The following B4GALT1 variants were observed in gnomAD, a reference collection of about 807,000 sequenced individuals.
B4GALT1 encodes the protein beta-1,4-galactosyltransferase 1, also known as N-acetyllactosamine synthase.
In B4GALT1, 16 loss-of-function variants were observed where a neutral mutation model predicts 34.9. The ratio of observed to expected loss-of-function variants is 0.46; its 90% confidence interval spans 0.31 to 0.70. B4GALT1 has a LOEUF of 0.70. Ranked by LOEUF, B4GALT1 falls within the 30% of genes least tolerant of loss-of-function variation. B4GALT1 has a pLI of 0.05. For synonymous variants in B4GALT1, 221 were observed against 218.1 expected, an observed-to-expected ratio of 1.01 and a Z score of -0.12; for missense variants, 445 against 530.5, an observed-to-expected ratio of 0.84 and a Z score of 1.58.
At position 33,137,006 on chromosome 9, in the gene B4GALT1, C is replaced by T. The variant is rs73473807; in HGVS notation, c.413-1582G>A. 2.2e-3 allele frequency among the ~76,000 whole-genome samples: 333 copies of T among 152,338 alleles called. 2 individuals are homozygous for T. Among genetic ancestry groups the T allele is most frequent in the African/African-American group, 7.5e-3 (310 of 41,576 alleles). ...GCCACTTCCACCCCCTTCCCCAGTA[C>T]ACATCTCACATCTTCCCTCCCTCCG... On this transcript the variant is annotated intron_variant, in intron 1 of 5. Coordinates refer to ENST00000379731, the MANE Select transcript of B4GALT1 (RefSeq NM_001497.4).
chr9:33,177,536 T>C, the B4GALT1 span: 1 of 152,180 alleles, frequency 6.6e-6, no homozygotes, highest in African/African-American at 2.4e-5. Flanking sequence ...GTTGTTTTCA[T>C]ACTATGATGG....
downstream of B4GALT1, among the ~76,000 whole-genome samples, chr9:33,107,688 A>C (rs570304908): frequency 3.9e-5 from 6 of 152,162 alleles, no homozygotes; most frequent in Non-Finnish European, 7.4e-5. Flanking sequence ...GTCCTGTATG[A>C]GACTAGAAAC....
chr9:33,141,765 C>T (rs1175537015), intron 1 of B4GALT1, among the ~76,000 whole-genome samples: 1 of 152,102 alleles, frequency 6.6e-6, no homozygotes, highest in Non-Finnish European at 1.5e-5. Flanking sequence ...TGGGAGTACG[C>T]CAATAAATCC....
chr9:33,155,481 A>G (rs1371328810), intron 1 of B4GALT1, among the ~76,000 whole-genome samples: 2 of 152,194 alleles, frequency 1.3e-5, no homozygotes, highest in Non-Finnish European at 1.5e-5. Context: ...GTGGTTTATG[A>G]TGGCCTCTTG....
chr9:33,167,340 G>T (rs1840782119), upstream of B4GALT1: 20 of 875,292 alleles, frequency 2.3e-5, no homozygotes, highest in South Asian at 5.8e-4. Context: ...TGGGAGCGGC[G>T]AGAAGCCGCC....
chr9:33,157,735 T>C lies in B4GALT1; in HGVS notation c.412+9023A>G, dbSNP rs1364428625. Among the ~76,000 whole-genome samples, 3 of 151,456 alleles carry C rather than the reference T, an allele frequency of 2.0e-5. No homozygotes were observed. The East Asian group carries it at 5.8e-4, about 29-fold the overall frequency. On this transcript the variant is annotated intron_variant, in intron 1 of 5. Transcript: ENST00000379731. ...TTTCAACTAAAAAAAAAAAAGGTCC[T>C]ATAAAGCAAAAGCCAAAATCTTCAC... is the stretch of plus-strand genomic sequence containing the variant.
chr9:33,149,209 A>G (rs75443249), intron 1 of B4GALT1, among the ~76,000 whole-genome samples: 38,765 of 151,708 alleles, frequency 0.26, 5,344 homozygotes, highest in East Asian at 0.52. Context: ...TTAAAAAAAA[A>G]AAAGTGGATG....
the B4GALT1 span, among the ~76,000 whole-genome samples, chr9:33,172,847 TAAAAAGTCACTAGGTA>T: frequency 2.8e-5 from 4 of 141,920 alleles, no homozygotes; most frequent in African/African-American, 1.1e-4. Flanking sequence ...GAAATTCAGT[TAAAAAGTCACTAGGTA>T]GGGTTGAGCA....
intron 4 of B4GALT1, among the ~76,000 whole-genome samples, chr9:33,114,971 T>C (rs544244357): frequency 1.2e-4 from 18 of 152,178 alleles, no homozygotes; most frequent in Non-Finnish European, 2.5e-4. Flanking sequence ...CACACTGTCA[T>C]ATCAGTCCAG....
chr9:33,133,640 T>C (rs1840225510), intron 2 of B4GALT1, among the ~76,000 whole-genome samples: 1 of 152,226 alleles, frequency 6.6e-6, no homozygotes, highest in Admixed American at 6.5e-5. Flanking sequence ...GACCCACAAC[T>C]GCGTGGCTGT....
chr9:33,122,814 G>C, intron 2 of B4GALT1, among the ~76,000 whole-genome samples: 1 of 152,136 alleles, frequency 6.6e-6, no homozygotes, highest in East Asian at 1.9e-4. Context: ...GGAATTCTGC[G>C]TTCAGCTAAT....
At chr9:33,129,083 T>C (rs1375223998) in intron 2 of B4GALT1, among the ~76,000 whole-genome samples, 1 of 152,128 alleles carries the variant, frequency 6.6e-6, no homozygotes, top group East Asian at 1.9e-4. Flanking sequence ...TCCACAGCCT[T>C]TCAGGCAGGC....
Position 33,144,338 on chromosome 9 carries a change from G to A in B4GALT1, c.413-8914C>T, listed in dbSNP as rs145062119. Among the ~76,000 whole-genome samples the A allele has an allele frequency of 3.9e-3, 600 of 152,272 alleles. 2 individuals are homozygous for A. Among genetic ancestry groups the A allele is most frequent in the African/African-American group, 0.013 (555 of 41,548 alleles). On this transcript the variant is annotated intron_variant, in intron 1 of 5. Transcript: ENST00000379731. ...AACCTCCGCCTCCCAGGTTTCAAGC[G>A]ATTCTCCTGCCTCAGCCTCCCAAGT... is the stretch of plus-strand genomic sequence containing the variant.
At chr9:33,136,394 G>C (rs1447236236) in intron 1 of B4GALT1, among the ~76,000 whole-genome samples, 1 of 152,102 alleles carries the variant, frequency 6.6e-6, no homozygotes, top group Non-Finnish European at 1.5e-5. Context: ...GGGAATCAAG[G>C]CTCTGCTGAG....
chr9:33,147,148 A>AG (rs1840438990), intron 1 of B4GALT1, among the ~76,000 whole-genome samples: 2 of 152,216 alleles, frequency 1.3e-5, no homozygotes, highest in Non-Finnish European at 2.9e-5. Context: ...GTGACAGCAC[A>AG]GTTCCTAACA....
intron 2 of B4GALT1, among the ~76,000 whole-genome samples, chr9:33,124,962 G>C (rs1227247584): frequency 6.6e-6 from 1 of 152,206 alleles, no homozygotes; most frequent in Non-Finnish European, 1.5e-5. Context: ...CCAGCATGCT[G>C]GGTGCAGGTG....
At chr9:33,124,041 T>A (rs1269898697) in intron 2 of B4GALT1, among the ~76,000 whole-genome samples, 2 of 152,274 alleles carry the variant, frequency 1.3e-5, no homozygotes, top group East Asian at 3.9e-4. Flanking sequence ...GCAGGTGCTA[T>A]CATCTATCAG....
chr9:33,179,327 T>G, the B4GALT1 span: 1 of 152,244 alleles, frequency 6.6e-6, no homozygotes, highest in Non-Finnish European at 1.5e-5. Flanking sequence ...TCCTCCAGTT[T>G]CCTGTTCTTC....
chr9:33,126,114 A>G (rs1587732778), intron 2 of B4GALT1, among the ~76,000 whole-genome samples: 1 of 152,180 alleles, frequency 6.6e-6, no homozygotes, highest in East Asian at 1.9e-4. Context: ...AGCTCTCAAC[A>G]GGACAGATCC....
Sources: gnomAD v4.1 joint callset for allele counts (sites outside exome capture counted in the v4.1 genomes callset) on GRCh38, gnomAD v4.1.1 for gene constraint, MANE v1.5 for transcripts, NCBI Gene and HGNC (gene_info 2026-07-23, HGNC 2026-07-21) for gene names.